SLCO4C1: variants seen among roughly 807,000 people sequenced by gnomAD.
SLCO4C1 encodes the protein solute carrier organic anion transporter family member 4C1, also known as organic anion transporter M1.
SLCO4C1 carries 58 observed loss-of-function variants against 72.1 expected under a neutral mutation model. That is an observed-to-expected ratio of 0.80 (90% CI 0.65 to 1.00). SLCO4C1 has a LOEUF of 1.00. SLCO4C1 is among the 50% of genes least tolerant of loss of function. The pLI is 0.00. For missense variants in SLCO4C1, 898 were observed against 857.9 expected, an observed-to-expected ratio of 1.05 and a Z score of -0.58; for synonymous variants, 297 against 312.5, an observed-to-expected ratio of 0.95 and a Z score of 0.52.
At chr5:102,250,070 T>C (rs1391340267) in intron 8 of SLCO4C1, among the ~76,000 whole-genome samples, 2 of 152,184 alleles carry the variant, frequency 1.3e-5, no homozygotes, top group Non-Finnish European at 2.9e-5. Context: ...GGTAATTCTC[T>C]TGTGGGGTTG....
At chr5:102,238,014 A>G (rs1748470617) in intron 12 of SLCO4C1, among the ~76,000 whole-genome samples, 1 of 152,192 alleles carries the variant, frequency 6.6e-6, no homozygotes, top group Non-Finnish European at 1.5e-5. Flanking sequence ...TTCTTGCAGT[A>G]GCTGGTTTCT....
intron 6 of SLCO4C1, among the ~76,000 whole-genome samples, chr5:102,259,910 T>C (rs1417405818): frequency 6.6e-6 from 1 of 152,056 alleles, no homozygotes; most frequent in African/African-American, 2.4e-5. Flanking sequence ...TTTCATTTAC[T>C]CAAAAGACAA....
At chr5:102,294,406 G>A (rs1418091711) in intron 1 of SLCO4C1, among the ~76,000 whole-genome samples, 3 of 152,152 alleles carry the variant, frequency 2.0e-5, no homozygotes, top group African/African-American at 7.2e-5. Context: ...GGTAGATGCT[G>A]CTCCAGACTA....
rs535396823 is a variant in SLCO4C1, at chr5:102,290,853, T to C, written c.619+490A>G. ...TATTTCTCCATCTAACGAGAGCAAC[T>C]GTAGGTTGCTCTGAAGTTCTATGTT... On this transcript the variant is annotated intron_variant, in intron 2 of 12. Coordinates refer to ENST00000310954, the MANE Select transcript of SLCO4C1 (RefSeq NM_180991.5). Among the ~76,000 whole-genome samples the C allele has an allele frequency of 2.0e-5, 3 of 152,318 alleles. No individual in the cohort carries two copies. The South Asian group carries it at 6.2e-4, about 32-fold the overall frequency.
intron 2 of SLCO4C1, among the ~76,000 whole-genome samples, chr5:102,279,134 T>A (rs1414622999): frequency 6.6e-6 from 1 of 151,644 alleles, no homozygotes; most frequent in Non-Finnish European, 1.5e-5. Context: ...ACTATCAATA[T>A]CAGGAATCAA....
At chr5:102,292,984 A>G (rs1749583623) in intron 1 of SLCO4C1, among the ~76,000 whole-genome samples, 1 of 152,042 alleles carries the variant, frequency 6.6e-6, no homozygotes, top group African/African-American at 2.4e-5. Context: ...GTTTTCATTC[A>G]ATACCAGAAT....
In SLCO4C1 at chr5:102,282,412, T is replaced by C. The variant is rs1349739928; in HGVS notation, c.619+8931A>G. On this transcript the variant is annotated intron_variant, in intron 2 of 12. Coordinates refer to ENST00000310954, the MANE Select transcript of SLCO4C1 (RefSeq NM_180991.5). ...TCCTTGAGAAAAGAAAAACAGTGAA[T>C]TGAGTTTTTTTCTCTTTCCACTTCT... Among the ~76,000 whole-genome samples, 3 of 151,974 alleles carry C rather than the reference T, an allele frequency of 2.0e-5. No individual in the cohort carries two copies. In the East Asian group the frequency reaches 5.8e-4, roughly 29 times the overall value.
intron 1 of SLCO4C1, among the ~76,000 whole-genome samples, chr5:102,292,910 G>A (rs841924): frequency 0.49 from 74,014 of 151,568 alleles, 19,273 homozygotes; most frequent in African/African-American, 0.67. Context: ...ATTACTATAA[G>A]TTGAAAATAA....
At chr5:102,246,476 A>G (rs376564679) in intron 10 of SLCO4C1, among the ~76,000 whole-genome samples, 4 of 152,128 alleles carry the variant, frequency 2.6e-5, no homozygotes, top group East Asian at 1.9e-4. Context: ...GAACAGACCA[A>G]TAACAAGTAG....
Position 102,291,322 on chromosome 5 carries a change from A to G in SLCO4C1, c.619+21T>C, listed in dbSNP as rs746294591. 4.4e-6 allele frequency: 7 copies of G among 1,603,322 alleles called. 1 individual carries two copies. The South Asian group carries it at 7.9e-5, about 18-fold the overall frequency. On this transcript the variant is annotated intron_variant, in intron 2 of 12. Coordinates refer to ENST00000310954, the MANE Select transcript of SLCO4C1 (RefSeq NM_180991.5). ...TCCACTTCTTCAGATTAAAACAAAC[A>G]TAAACACAATAGAAACTTACCTTCA...
chr5:102,278,589 T>C (rs192233011), intron 2 of SLCO4C1, among the ~76,000 whole-genome samples: 3 of 152,296 alleles, frequency 2.0e-5, no homozygotes, highest in East Asian at 1.9e-4. Context: ...TCCTGCGCCA[T>C]AGAGTAAACC....
chr5:102,238,471 A>G (rs1748479277), intron 12 of SLCO4C1, among the ~76,000 whole-genome samples: 1 of 152,048 alleles, frequency 6.6e-6, no homozygotes, highest in Non-Finnish European at 1.5e-5. Context: ...ATATTCTATT[A>G]CTCTATCTCT....
At chr5:102,260,397 A>G (rs1033707112) in intron 5 of SLCO4C1, 78 bp from the exon 6 acceptor site, 4 of 276,870 alleles carry the variant, frequency 1.4e-5, no homozygotes, top group East Asian at 2.0e-4. Context: ...TATATAATAT[A>G]TAATAAGTAA....
intron 6 of SLCO4C1, among the ~76,000 whole-genome samples, chr5:102,259,745 T>C (rs894865287): frequency 1.3e-5 from 2 of 152,136 alleles, no homozygotes; most frequent in African/African-American, 2.4e-5. Flanking sequence ...TTCAGAATTC[T>C]CAAATATATT....
rs531106595 is a variant in SLCO4C1 at position 102,294,161 on chromosome 5, A to G, written c.355+1747T>C. Among the ~76,000 whole-genome samples the G allele has an allele frequency of 5.3e-4, 80 of 152,250 alleles. 1 individual carries two copies. Among genetic ancestry groups the G allele is most frequent in the African/African-American group, 1.9e-3 (77 of 41,552 alleles). ...TGACCTCAGTTGATCTGCCTGCCTC[A>G]GCCTCCCAAAGTGCTGCAATTACAG... On this transcript the variant is annotated intron_variant, in intron 1 of 12. Coordinates refer to ENST00000310954, the MANE Select transcript of SLCO4C1 (RefSeq NM_180991.5).
chr5:102,256,063 G>C (rs137858423), intron 8 of SLCO4C1, among the ~76,000 whole-genome samples: 1 of 152,052 alleles, frequency 6.6e-6, no homozygotes, highest in African/African-American at 2.4e-5. Flanking sequence ...AAAATTAGCT[G>C]GTCATGGTGG....
chr5:102,266,697 T>C (rs1407637354), intron 3 of SLCO4C1, among the ~76,000 whole-genome samples: 1 of 152,136 alleles, frequency 6.6e-6, no homozygotes, highest in Non-Finnish European at 1.5e-5. Context: ...GTGGGCTTTC[T>C]TGTGCTTCAG....
chr5:102,239,702 A>G (rs1055693166), intron 11 of SLCO4C1, among the ~76,000 whole-genome samples: 6 of 152,106 alleles, frequency 3.9e-5, no homozygotes, highest in African/African-American at 1.4e-4. Context: ...TGCCTTTGAA[A>G]TTAGCTATTA....
At chr5:102,272,054 G>A (rs1749162648) in intron 2 of SLCO4C1, among the ~76,000 whole-genome samples, 1 of 152,100 alleles carries the variant, frequency 6.6e-6, no homozygotes, top group Admixed American at 6.6e-5. Flanking sequence ...AGAAAGCAGA[G>A]GCATCCAGGC....
Sources: allele counts gnomAD v4.1 joint callset (sites outside exome capture counted in the v4.1 genomes callset), GRCh38; gene constraint gnomAD v4.1.1; transcripts MANE v1.5; gene names NCBI Gene and HGNC (gene_info 2026-07-23, HGNC 2026-07-21).